The following ARL8B variants were observed in gnomAD, a reference collection of about 807,000 sequenced individuals.
The protein encoded by ARL8B is ARF like GTPase 8B, also known as ADP-ribosylation factor-like protein 8B.
ARL8B carries 9 observed loss-of-function variants against 30.6 expected under a neutral mutation model. That is an observed-to-expected ratio of 0.29 (90% CI 0.18 to 0.51). The LOEUF is 0.51. Ranked by LOEUF, ARL8B falls within the 20% of genes least tolerant of loss-of-function variation. The pLI is 0.97. For synonymous variants in ARL8B, 74 were observed against 76.0 expected, an observed-to-expected ratio of 0.97 and a Z score of 0.14; for missense variants, 130 against 227.2, an observed-to-expected ratio of 0.57 and a Z score of 2.75.
chr3:5,164,078 AT>A (rs2054604089), intron 1 of ARL8B, among the ~76,000 whole-genome samples: 1 of 152,206 alleles, frequency 6.6e-6, no homozygotes, highest in South Asian at 2.1e-4. Flanking sequence ...CCCTGCACAT[AT>A]GAAAAGTTGT....
chr3:5,166,707 C>T (rs1373695803), intron 1 of ARL8B, among the ~76,000 whole-genome samples: 2 of 152,170 alleles, frequency 1.3e-5, no homozygotes, highest in African/African-American at 4.8e-5. Flanking sequence ...TTCAGTCTTC[C>T]TGCTGTTAAC....
At chr3:5,135,700 G>T (rs1265658088) in intron 1 of ARL8B, among the ~76,000 whole-genome samples, 1 of 151,392 alleles carries the variant, frequency 6.6e-6, no homozygotes, top group African/African-American at 2.4e-5. Flanking sequence ...GTTGTGATCT[G>T]CCTGCCTCGG....
intron 1 of ARL8B, among the ~76,000 whole-genome samples, chr3:5,125,556 G>A (rs11716864): frequency 0.11 from 15,330 of 145,190 alleles, 886 homozygotes; most frequent in Middle Eastern, 0.15. Context: ...TTTTTGAGAC[G>A]GAGTCCCGCT....
At chr3:5,171,576 G>A (rs1032165491) in intron 2 of ARL8B, among the ~76,000 whole-genome samples, 41 of 152,028 alleles carry the variant, frequency 2.7e-4, no homozygotes, top group Non-Finnish European at 5.1e-4. Context: ...TCGAACTCCT[G>A]ACCCCAAGTG....
intron 1 of ARL8B, among the ~76,000 whole-genome samples, chr3:5,151,957 A>G (rs2054488982): frequency 1.3e-5 from 2 of 151,920 alleles, no homozygotes; most frequent in African/African-American, 4.8e-5. Context: ...GAATCCTCCC[A>G]CCTTGGCCTC....
chr3:5,168,902 C>A (rs1194176666), intron 1 of ARL8B, among the ~76,000 whole-genome samples: 2 of 152,132 alleles, frequency 1.3e-5, no homozygotes, highest in Non-Finnish European at 1.5e-5. Flanking sequence ...AATAAATGAG[C>A]ATTATCTCAC....
chr3:5,126,745 C>A lies in ARL8B; in HGVS notation c.123+4157C>A, dbSNP rs9681659. Among the ~76,000 whole-genome samples, 1,278 of 152,174 alleles carry A rather than the reference C, an allele frequency of 8.4e-3. 8 individuals carry two copies. Among genetic ancestry groups the A allele is most frequent in the Non-Finnish European group, 0.013 (866 of 67,978 alleles). On this transcript the variant is annotated intron_variant, in intron 1 of 6. Coordinates refer to ENST00000256496, the MANE Select transcript of ARL8B (RefSeq NM_018184.3). Reference sequence around the variant, plus strand: ...TTTTGAACATTATAAAAAAGAAACACCCTAGTCTTGTCTTTTCTGATTAGT... The same window carrying A: ...TTTTGAACATTATAAAAAAGAAACAACCTAGTCTTGTCTTTTCTGATTAGT...
chr3:5,137,442 T>C (rs1262369852), intron 1 of ARL8B, among the ~76,000 whole-genome samples: 80 of 149,396 alleles, frequency 5.4e-4, no homozygotes, highest in African/African-American at 1.7e-3. Flanking sequence ...TTTCTCTTTT[T>C]TTTTTTTTTT....
intron 1 of ARL8B, among the ~76,000 whole-genome samples, chr3:5,122,903 G>A (rs1376603532): frequency 6.6e-6 from 1 of 152,228 alleles, no homozygotes; most frequent in African/African-American, 2.4e-5. Flanking sequence ...CTTGGGGATT[G>A]GGGTTTCCCT....
At chr3:5,136,635 G>T (rs1351911869) in intron 1 of ARL8B, among the ~76,000 whole-genome samples, 1 of 152,148 alleles carries the variant, frequency 6.6e-6, no homozygotes, top group Non-Finnish European at 1.5e-5. Flanking sequence ...ACAAATTTTA[G>T]TATTTATTCT....
rs543688673 is a variant in ARL8B, at chr3:5,137,788, C to T, written c.123+15200C>T. 1.4e-4 allele frequency among the ~76,000 whole-genome samples: 21 copies of T among 152,170 alleles called. No individual in the cohort carries two copies. The East Asian group carries it at 3.5e-3, about 25-fold the overall frequency. On this transcript the variant is annotated intron_variant, in intron 1 of 6. Transcript: ENST00000256496. ...TATTTTTTGTGGCGACAGGATCTCA[C>T]TGTGTTGCCCAGGCTGGTTCAAACT...
At chr3:5,159,241 G>A (rs1358797511) in intron 1 of ARL8B, among the ~76,000 whole-genome samples, 1 of 149,542 alleles carries the variant, frequency 6.7e-6, no homozygotes, top group East Asian at 2.0e-4. Context: ...TTGAGGCTGC[G>A]GTGAGCCACG....
In ARL8B at chr3:5,176,537, T is replaced by C. The variant is rs11918614; in HGVS notation, c.511+2123T>C. ...ATGAGCCACCACGCCCAGCCACAAA[T>C]ATGCTTTATTCAGTTTAAAGTGTGG... On this transcript the variant is annotated intron_variant, in intron 6 of 6. Transcript: ENST00000256496. Among the ~76,000 whole-genome samples the C allele has an allele frequency of 9.8e-3, 1,496 of 152,298 alleles. 22 individuals are homozygous for C. The highest frequency in any genetic ancestry group is 0.034 in the African/African-American group (1,400 of 41,568).
At chr3:5,147,022 CTTTT>C (rs58037248) in intron 1 of ARL8B, among the ~76,000 whole-genome samples, 1 of 147,634 alleles carries the variant, frequency 6.8e-6, no homozygotes, top group Admixed American at 6.8e-5. Context: ...TTTTCTTCCT[CTTTT>C]TTTTTTTGAT....
intron 1 of ARL8B, among the ~76,000 whole-genome samples, chr3:5,154,987 A>C (rs1266398138): frequency 6.6e-6 from 1 of 152,188 alleles, no homozygotes; most frequent in Non-Finnish European, 1.5e-5. Context: ...CTCCCACTTC[A>C]GCCTCCCAAA....
chr3:5,172,606 C>A, intron 3 of ARL8B, 41 bp from the exon 4 acceptor site: 2 of 1,279,240 alleles, frequency 1.6e-6, no homozygotes, highest in Non-Finnish European at 2.3e-6. Flanking sequence ...ATCATCAAGG[C>A]ATACAGAGAA....
chr3:5,168,113 G>T (rs1220385455), intron 1 of ARL8B, among the ~76,000 whole-genome samples: 1 of 152,040 alleles, frequency 6.6e-6, no homozygotes, highest in Non-Finnish European at 1.5e-5. Context: ...GAGTACAGTG[G>T]CACAATCTTG....
At chr3:5,131,498 C>G (rs1181380083) in intron 1 of ARL8B, among the ~76,000 whole-genome samples, 1 of 152,028 alleles carries the variant, frequency 6.6e-6, no homozygotes, top group African/African-American at 2.4e-5. Context: ...TCAAGCGATT[C>G]TCCTGCCTCA....
intron 1 of ARL8B, among the ~76,000 whole-genome samples, chr3:5,149,597 C>T (rs2054461385): frequency 6.6e-6 from 1 of 152,214 alleles, no homozygotes; most frequent in African/African-American, 2.4e-5. Context: ...GTTTTATTAT[C>T]ACCCTTAGAA....
Sources: allele counts gnomAD v4.1 joint callset (sites outside exome capture counted in the v4.1 genomes callset), GRCh38; gene constraint gnomAD v4.1.1; transcripts MANE v1.5; gene names NCBI Gene and HGNC (gene_info 2026-07-23, HGNC 2026-07-21).